The following SLC37A3 variants were observed in gnomAD, a reference collection of about 807,000 sequenced individuals.
The protein encoded by SLC37A3 is sugar phosphate exchanger 3.
Under a neutral mutation model 67.1 loss-of-function variants are expected in SLC37A3, and 51 were observed. The observed-to-expected ratio is 0.76, with a 90% confidence interval of 0.61 to 0.96. SLC37A3 has a LOEUF of 0.96. Among genes scored for constraint, SLC37A3 ranks in the 40% least tolerant of loss-of-function variants. The pLI, the probability that SLC37A3 is intolerant of heterozygous loss-of-function variation, is 0.00. For synonymous variants in SLC37A3, 214 were observed against 231.4 expected (o/e 0.92, Z 0.68); for missense variants, 508 against 603.0 (o/e 0.84, Z 1.65).
chr7:140,380,282 C>T lies in SLC37A3; in HGVS notation c.198G>A (p.Glu66=). The change falls in exon 3 of 15, where the codon GAG becomes GAA. Residue 66 remains glutamate (E), a splice_region_variant and synonymous_variant. Transcript: ENST00000326232. ...CATCCCAGCACTCTGTTCTGCTTAC[C>T]TCCACAGGCAGCTCAACTGACGTGT... ...AFNTSVELPV[E]IWSSNHLFPS... The T allele has an allele frequency of 6.2e-7, 1 of 1,601,734 alleles. No homozygotes were observed. The highest frequency in any genetic ancestry group is 8.6e-7 in the Non-Finnish European group (1 of 1,169,050).
At chr7:140,393,196 C>G (rs1280551064) in intron 1 of SLC37A3, among the ~76,000 whole-genome samples, 1 of 152,220 alleles carries the variant, frequency 6.6e-6, no homozygotes, top group African/African-American at 2.4e-5. Flanking sequence ...GGGGCACAAT[C>G]TGTGCCTCTG....
intron 4 of SLC37A3, among the ~76,000 whole-genome samples, chr7:140,368,322 T>G (rs1023228916): frequency 6.6e-6 from 1 of 151,848 alleles, no homozygotes; most frequent in Non-Finnish European, 1.5e-5. Flanking sequence ...TCCCAGCACT[T>G]TGGGAGGCCG....
At chr7:140,354,130 C>T (rs1164707086) in intron 7 of SLC37A3, among the ~76,000 whole-genome samples, 1 of 152,216 alleles carries the variant, frequency 6.6e-6, no homozygotes, top group Non-Finnish European at 1.5e-5. Context: ...TGAACTATGT[C>T]CCTGTTCGCT....
At chr7:140,371,467 C>T (rs758326857) in intron 3 of SLC37A3, among the ~76,000 whole-genome samples, 6 of 152,144 alleles carry the variant, frequency 3.9e-5, no homozygotes, top group Non-Finnish European at 4.4e-5. Flanking sequence ...CCACCGTGCC[C>T]GACCGAGAGC....
intron 5 of SLC37A3, among the ~76,000 whole-genome samples, chr7:140,360,150 A>G (rs1423404854): frequency 6.6e-6 from 1 of 152,168 alleles, no homozygotes; most frequent in African/African-American, 2.4e-5. Context: ...AGTTCAAGGA[A>G]CAACCTGGGC....
At chr7:140,370,118 CAAAAA>C (rs1191915912) in intron 3 of SLC37A3, among the ~76,000 whole-genome samples, 2 of 145,474 alleles carry the variant, frequency 1.4e-5, no homozygotes, top group Non-Finnish European at 3.0e-5. Context: ...CTCAAAAAAA[CAAAAA>C]AGAAAAGAAA....
intron 7 of SLC37A3, among the ~76,000 whole-genome samples, chr7:140,353,439 T>C (rs1292650783): frequency 6.6e-6 from 1 of 151,534 alleles, no homozygotes; most frequent in Non-Finnish European, 1.5e-5. Context: ...ATCACGCCAT[T>C]GCACTCCAGC....
rs1322665810 is a variant in SLC37A3, at chr7:140,380,367, C to T, written c.113G>A (p.Arg38Gln). The change falls in exon 3 of 15, where the codon CGA becomes CAA. Residue 38 changes from arginine to glutamine, a missense_variant. Arg to Gln is a conservative substitution (Grantham distance 43). Transcript: ENST00000326232. The part of the protein sequence containing the change: ...FFSYSLLHAS[R>Q]KTFSNVKVSI... ...GACTTTGACATTGCTAAATGTTTTTCGTGAAGCATGGAGCAACGAATAACT... is the reference window on the plus strand; with the variant it reads ...GACTTTGACATTGCTAAATGTTTTTTGTGAAGCATGGAGCAACGAATAACT... 27 of 1,612,618 alleles carry T rather than the reference C, an allele frequency of 1.7e-5. No homozygotes were observed. Among genetic ancestry groups the T allele is most frequent in the African/African-American group, 5.3e-5 (4 of 74,828 alleles).
At chr7:140,397,720 T>C (rs1301560948) in intron 1 of SLC37A3, among the ~76,000 whole-genome samples, 1 of 152,108 alleles carries the variant, frequency 6.6e-6, no homozygotes, top group Non-Finnish European at 1.5e-5. Flanking sequence ...TGAATGATTT[T>C]GCTCACCCCA....
At chr7:140,360,378 C>A (rs995058220) in intron 5 of SLC37A3, among the ~76,000 whole-genome samples, 1 of 152,058 alleles carries the variant, frequency 6.6e-6, no homozygotes, top group Admixed American at 6.6e-5. Flanking sequence ...TCTAACTAAA[C>A]TCCATGGTTT....
chr7:140,360,771 C>T (rs1797235410), intron 5 of SLC37A3, among the ~76,000 whole-genome samples: 1 of 151,358 alleles, frequency 6.6e-6, no homozygotes, highest in African/African-American at 2.4e-5. Context: ...TATGGATCCT[C>T]CCCTACACAG....
intron 1 of SLC37A3, among the ~76,000 whole-genome samples, chr7:140,389,174 G>A (rs1420242480): frequency 2.0e-5 from 3 of 152,136 alleles, no homozygotes; most frequent in Non-Finnish European, 2.9e-5. Context: ...GTCTGCCTCT[G>A]CAGGACTAAC....
intron 1 of SLC37A3, among the ~76,000 whole-genome samples, chr7:140,384,829 A>G (rs949732868): frequency 6.6e-6 from 1 of 152,198 alleles, no homozygotes; most frequent in African/African-American, 2.4e-5. Context: ...TAGGGAACAC[A>G]TTCAAGAGCT....
At chr7:140,384,721 C>T (rs1253504278) in intron 1 of SLC37A3, among the ~76,000 whole-genome samples, 1 of 151,838 alleles carries the variant, frequency 6.6e-6, no homozygotes, top group African/African-American at 2.4e-5. Flanking sequence ...CTTGCCTGCC[C>T]CCCGCCGCAC....
chr7:140,368,240 GC>G (rs1341586994), intron 4 of SLC37A3, among the ~76,000 whole-genome samples: 1 of 152,052 alleles, frequency 6.6e-6, no homozygotes, highest in African/African-American at 2.4e-5. Context: ...ATCAATTCAC[GC>G]AGCCTCACAG....
At chr7:140,371,561 A>C (rs554967467) in intron 3 of SLC37A3, among the ~76,000 whole-genome samples, 25 of 152,220 alleles carry the variant, frequency 1.6e-4, no homozygotes, top group Non-Finnish European at 3.2e-4. Context: ...CAGTTTTTAA[A>C]ATTCCTTTAG....
chr7:140,337,554 C>T (rs943911155), intron 13 of SLC37A3: 10 of 401,018 alleles, frequency 2.5e-5, no homozygotes, highest in South Asian at 8.4e-5. Context: ...ATGGAAAAAC[C>T]GTATAATAGA....
intron 3 of SLC37A3, among the ~76,000 whole-genome samples, chr7:140,375,335 C>T (rs969415768): frequency 1.3e-5 from 2 of 151,740 alleles, no homozygotes; most frequent in Non-Finnish European, 2.9e-5. Flanking sequence ...ATTAGCCAGG[C>T]ATGGTGATGT....
rs536518424 is a variant in SLC37A3 at position 140,391,210 on chromosome 7, T to C, written c.-71+7206A>G. On this transcript the variant is annotated intron_variant, in intron 1 of 14. Coordinates refer to ENST00000326232, the MANE Select transcript of SLC37A3 (RefSeq NM_207113.3). ...CAATTCCCAGATTCATGGCTCTAAC[T>C]TAGACCCTCCAGGATCCAAATGACC... Among the ~76,000 whole-genome samples the C allele has an allele frequency of 4.6e-5, 7 of 152,328 alleles. No individual in the cohort carries two copies. The South Asian group carries it at 1.2e-3, about 27-fold the overall frequency.
Sources: allele counts gnomAD v4.1 joint callset (sites outside exome capture counted in the v4.1 genomes callset), GRCh38; gene constraint gnomAD v4.1.1; transcripts MANE v1.5; gene names NCBI Gene and HGNC (gene_info 2026-07-23, HGNC 2026-07-21).